The following KCNMB2 variants were observed in gnomAD, a reference collection of about 807,000 sequenced individuals.
The protein encoded by KCNMB2 is calcium-activated potassium channel subunit beta-2.
Under a neutral mutation model 24.5 loss-of-function variants are expected in KCNMB2, and 9 were observed. The observed-to-expected ratio is 0.37, with a 90% CI of 0.22 to 0.64. The LOEUF (loss-of-function observed/expected upper bound fraction) is 0.64. KCNMB2 is among the 30% of genes least tolerant of loss of function. The pLI is 0.63. For missense variants in KCNMB2, 226 were observed against 284.3 expected (o/e 0.79, Z 1.47); for synonymous variants, 109 against 104.4 (o/e 1.04, Z -0.27).
intron 1 of KCNMB2, among the ~76,000 whole-genome samples, chr3:178,776,423 G>T (rs930405135): frequency 3.9e-5 from 6 of 151,982 alleles, no homozygotes; most frequent in Non-Finnish European, 1.5e-5. Context: ...CCAATTCCCT[G>T]CTCATAGTTT....
At chr3:178,569,394 C>A (rs1716687773) in intron 1 of KCNMB2, among the ~76,000 whole-genome samples, 1 of 152,162 alleles carries the variant, frequency 6.6e-6, no homozygotes, top group African/African-American at 2.4e-5. Context: ...TAGAGGGGCG[C>A]ACTACCCTTT....
At chr3:178,637,481 A>G (rs1386108898) in intron 1 of KCNMB2, among the ~76,000 whole-genome samples, 1 of 152,216 alleles carries the variant, frequency 6.6e-6, no homozygotes, top group Non-Finnish European at 1.5e-5. Flanking sequence ...GGGAGTGGTG[A>G]GAAGGTTCTT....
intron 3 of KCNMB2, among the ~76,000 whole-genome samples, chr3:178,826,925 T>G (rs1714857281): frequency 6.6e-6 from 1 of 152,194 alleles, no homozygotes; most frequent in South Asian, 2.1e-4. Flanking sequence ...GCTCTTCACA[T>G]CTGGTTAGAA....
intron 1 of KCNMB2, among the ~76,000 whole-genome samples, chr3:178,604,924 A>C (rs1718219695): frequency 6.6e-6 from 1 of 152,212 alleles, no homozygotes; most frequent in African/African-American, 2.4e-5. Context: ...CATTATACTC[A>C]TAACTGTGAT....
At chr3:178,733,785 T>C (rs2108369902) in intron 1 of KCNMB2, among the ~76,000 whole-genome samples, 1 of 152,310 alleles carries the variant, frequency 6.6e-6, no homozygotes. Flanking sequence ...AGCCCTTAAA[T>C]TTTTAAGTGA....
At chr3:178,539,701 C>G (rs1364195735) in intron 1 of KCNMB2, among the ~76,000 whole-genome samples, 1 of 151,788 alleles carries the variant, frequency 6.6e-6, no homozygotes, top group South Asian at 2.1e-4. Context: ...ACTCAGGTTT[C>G]TGAAAAAAGG....
Position 178,779,146 on chromosome 3 carries a change from T to C in KCNMB2, c.-67-28197T>C, listed in dbSNP as rs189445689. ...TGGGTTATTCTCCAGCTGCACAACA[T>C]GGACCTTCTACTTGAGGAGGCCCCA... is the stretch of plus-strand genomic sequence containing the variant. On this transcript the variant is annotated intron_variant, in intron 1 of 4. Transcript: ENST00000452583. 1.9e-3 allele frequency among the ~76,000 whole-genome samples: 293 copies of C among 152,342 alleles called. 3 individuals are homozygous for C. The highest frequency in any genetic ancestry group is 6.6e-3 in the African/African-American group (273 of 41,586).
intron 1 of KCNMB2, among the ~76,000 whole-genome samples, chr3:178,562,614 T>G (rs1716364549): frequency 6.6e-6 from 1 of 152,196 alleles, no homozygotes; most frequent in South Asian, 2.1e-4. Context: ...TTCTTTATTT[T>G]GAAGGTAAAG....
intron 1 of KCNMB2, among the ~76,000 whole-genome samples, chr3:178,549,843 T>C (rs1715890047): frequency 6.6e-6 from 1 of 152,214 alleles, no homozygotes; most frequent in Non-Finnish European, 1.5e-5. Context: ...CTAAATCACA[T>C]TACACTCTAC....
chr3:178,646,975 A>G (rs899440917), intron 1 of KCNMB2, among the ~76,000 whole-genome samples: 4 of 152,240 alleles, frequency 2.6e-5, no homozygotes, highest in African/African-American at 9.6e-5. Flanking sequence ...TAAGAAAAAT[A>G]AGTATGATCT....
At chr3:178,589,256 C>T (rs1037352367) in intron 1 of KCNMB2, among the ~76,000 whole-genome samples, 1 of 152,158 alleles carries the variant, frequency 6.6e-6, no homozygotes, top group African/African-American at 2.4e-5. Flanking sequence ...CTGGCAGAAA[C>T]ACTAGGTGCA....
intron 1 of KCNMB2, among the ~76,000 whole-genome samples, chr3:178,703,943 G>GA (rs1268057648): frequency 1.3e-5 from 2 of 152,192 alleles, no homozygotes; most frequent in South Asian, 2.1e-4. Context: ...TTTAAGTCCA[G>GA]AAAAAATTCA....
At chr3:178,749,322 A>G (rs1208049109) in intron 1 of KCNMB2, 3 of 152,214 alleles carry the variant, frequency 2.0e-5, no homozygotes, top group Non-Finnish European at 4.4e-5. Flanking sequence ...TTTCTACTAC[A>G]ACAGTAAAAT....
At chr3:178,634,519 T>G (rs150969095) in intron 1 of KCNMB2, among the ~76,000 whole-genome samples, 254 of 152,178 alleles carry the variant, frequency 1.7e-3, no homozygotes, top group Middle Eastern at 3.4e-3. Context: ...TCATGAGATA[T>G]CTGACTCACT....
At chr3:178,644,644 G>A (rs1162418307) in intron 1 of KCNMB2, among the ~76,000 whole-genome samples, 4 of 152,308 alleles carry the variant, frequency 2.6e-5, no homozygotes, top group African/African-American at 7.2e-5. Context: ...TGTGTGCATC[G>A]TCAGCTTCTC....
intron 1 of KCNMB2, among the ~76,000 whole-genome samples, chr3:178,652,915 G>A (rs548323283): frequency 6.6e-6 from 1 of 151,940 alleles, no homozygotes; most frequent in East Asian, 1.9e-4. Flanking sequence ...CACCTGCCTC[G>A]GCCTCCCAAA....
chr3:178,802,354 T>G (rs1713805265), intron 1 of KCNMB2, among the ~76,000 whole-genome samples: 1 of 152,100 alleles, frequency 6.6e-6, no homozygotes, highest in Non-Finnish European at 1.5e-5. Context: ...GAAGAGTTCA[T>G]TAAGAGTATC....
chr3:178,696,135 C>G lies in KCNMB2; in HGVS notation c.-67-111208C>G, dbSNP rs111438110. ...GGCAGCAGGAAGGAGAAGAATGAGT[C>G]CCCAGTGAAAGGGAAAGCCTCTTAT... On this transcript the variant is annotated intron_variant, in intron 1 of 4. Transcript: ENST00000452583. Among the ~76,000 whole-genome samples the G allele has an allele frequency of 1.7e-3, 252 of 152,248 alleles. 1 individual carries two copies. Among genetic ancestry groups the G allele is most frequent in the African/African-American group, 5.8e-3 (241 of 41,544 alleles).
chr3:178,661,913 G>A (rs570561215), intron 1 of KCNMB2, among the ~76,000 whole-genome samples: 253 of 152,182 alleles, frequency 1.7e-3, no homozygotes, highest in Admixed American at 2.9e-3. Flanking sequence ...CCTCACAACA[G>A]GATAAGGTGG....
Sources: gnomAD v4.1 joint callset for allele counts (sites outside exome capture counted in the v4.1 genomes callset) on GRCh38, gnomAD v4.1.1 for gene constraint, MANE v1.5 for transcripts, NCBI Gene and HGNC (gene_info 2026-07-23, HGNC 2026-07-21) for gene names.